The following TIPRL variants were observed in gnomAD, a reference collection of about 807,000 sequenced individuals.
TIPRL encodes TIP41-like protein.
In TIPRL, 10 loss-of-function variants were observed where a neutral mutation model predicts 32.3. That is an observed-to-expected ratio of 0.31 (90% CI 0.19 to 0.52). The LOEUF (loss-of-function observed/expected upper bound fraction) is 0.52. Ranked by LOEUF, TIPRL falls within the 20% of genes least tolerant of loss-of-function variation. TIPRL has a pLI of 0.96. For synonymous variants in TIPRL, 100 were observed against 114.0 expected, an observed-to-expected ratio of 0.88 and a Z score of 0.78; for missense variants, 250 against 328.1, an observed-to-expected ratio of 0.76 and a Z score of 1.84.
Position 168,183,963 on chromosome 1 carries a change from A to G in TIPRL, c.166A>G (p.Arg56Gly), listed in dbSNP as rs1179051863. Residue 56 changes from arginine (R) to glycine (G), a missense_variant, in exon 2 of 7, where the codon AGA becomes GGA. Arg to Gly is a moderately radical substitution (Grantham distance 125). Transcript: ENST00000367833. ...PEMMFGDNVL[R>G]IQHGSGFGIE... ...AATGATGTTTGGAGACAACGTTTTA[A>G]GAATCCAGCATGGGTCTGGCTTTGG... 3.1e-6 allele frequency: 5 copies of G among 1,614,154 alleles called. No homozygotes were observed. The highest frequency in any genetic ancestry group is 4.2e-6 in the Non-Finnish European group (5 of 1,179,988).
intron 1 of TIPRL, among the ~76,000 whole-genome samples, chr1:168,179,778 G>C (rs544705623): frequency 2.4e-4 from 37 of 152,270 alleles, no homozygotes; most frequent in African/African-American, 8.7e-4. Context: ...GCGGTGGATA[G>C]GTACATGCCA....
Position 168,198,923 on chromosome 1 carries a change from A to G in TIPRL, c.617A>G (p.Asp206Gly). 6.2e-7 allele frequency: 1 copy of G among 1,610,986 alleles called. No homozygotes were observed. The highest frequency in any genetic ancestry group is 8.5e-7 in the Non-Finnish European group (1 of 1,178,312). The change falls in exon 6 of 7, where the codon GAC becomes GGC. Residue 206 changes from aspartate (D) to glycine (G), a missense_variant. Physicochemically the swap from Asp to Gly is moderately conservative, Grantham distance 94. Coordinates refer to ENST00000367833, the MANE Select transcript of TIPRL (RefSeq NM_152902.5). ...ACTGTTTATTTTTAAATACAGGCTG[A>G]CAAGACCTACATGTTACGAGAATAT... ...MNDTRLYHEA[D>G]KTYMLREYTS...
At position 168,184,019 on chromosome 1, in the gene TIPRL, A is replaced by T; in HGVS notation, c.222A>T (p.Arg74Ser). 2 of 1,614,152 alleles carry T rather than the reference A, an allele frequency of 1.2e-6. 1 individual carries two copies. The highest frequency in any genetic ancestry group is 3.3e-4 in the Middle Eastern group (2 of 6,060). ...AGTTCAATGCTACAGATGCGTTAAGATGTGTAAACAACTACCAAGGAATGC... is the reference window on the plus strand; with the variant it reads ...AGTTCAATGCTACAGATGCGTTAAGTTGTGTAAACAACTACCAAGGAATGC... ...GIEFNATDAL[R>S]CVNNYQGMLK... is the part of the protein sequence containing the mutation. The change falls in exon 2 of 7, where the codon AGA (arginine) becomes AGT (serine). Residue 74 changes from arginine (R) to serine (S), a missense_variant. Transcript: ENST00000367833.
chr1:168,198,488 T>C (rs76553783), intron 5 of TIPRL, among the ~76,000 whole-genome samples: 1 of 152,128 alleles, frequency 6.6e-6, no homozygotes, highest in African/African-American at 2.4e-5. Context: ...GAATAAAAAT[T>C]TTAAAGCATG....
rs977014748 is a variant in TIPRL at position 168,201,561 on chromosome 1, C to T, written c.*1515C>T. The stretch of plus-strand genomic sequence containing the variant: ...GCTTTAAGAAAACACATGGTATGTT[C>T]ACTGTATATTAAATATACCTGTATT... On this transcript the variant is annotated 3_prime_UTR_variant, in exon 7 of 7. Transcript: ENST00000367833. 6.6e-5 allele frequency: 10 copies of T among 151,904 alleles called. No individual in the cohort carries two copies. Among genetic ancestry groups the T allele is most frequent in the African/African-American group, 2.4e-4 (10 of 41,386 alleles). The allele number at this position is 151,904 out of a possible 1,614,324, so 9.4% of individuals were successfully genotyped here.
Position 168,191,495 on chromosome 1 carries a change from A to G in TIPRL, c.511A>G (p.Lys171Glu). The G allele has an allele frequency of 6.7e-7, 1 of 1,495,428 alleles. No homozygotes were observed. Among genetic ancestry groups the G allele is most frequent in the Non-Finnish European group, 8.8e-7 (1 of 1,130,706 alleles). The allele number at this position is 1,495,428 out of a possible 1,614,324, so 92.6% of individuals were successfully genotyped here. Reference sequence around the variant, plus strand: ...TCATGGAGTTTCAAGCCTGAGTGTGAAGATTGTGAGTATTATTTTTATTTA... The same window carrying G: ...TCATGGAGTTTCAAGCCTGAGTGTGGAGATTGTGAGTATTATTTTTATTTA... ...HDHGVSSLSV[K>E]IRVMPSSFFL... Residue 171 changes from lysine (K) to glutamate (E), a missense_variant, in exon 4 of 7, where the codon AAG becomes GAG. Lys to Glu is a moderately conservative substitution (Grantham distance 56). Coordinates refer to ENST00000367833, the MANE Select transcript of TIPRL (RefSeq NM_152902.5).
intron 3 of TIPRL, among the ~76,000 whole-genome samples, chr1:168,188,051 A>T (rs948314133): frequency 2.0e-5 from 3 of 152,194 alleles, no homozygotes; most frequent in African/African-American, 7.2e-5. Flanking sequence ...AGTATTAGGG[A>T]ACCTAAGTTA....
At chr1:168,182,869 T>C (rs1010006169) in intron 1 of TIPRL, among the ~76,000 whole-genome samples, 1 of 152,326 alleles carries the variant, frequency 6.6e-6, no homozygotes, top group Middle Eastern at 3.4e-3. Flanking sequence ...CCAATTACAG[T>C]TTATTGTATC....
In TIPRL at chr1:168,200,069, C is replaced by T. The variant is rs1322884344; in HGVS notation, c.*23C>T. On this transcript the variant is annotated 3_prime_UTR_variant, in exon 7 of 7. Coordinates refer to ENST00000367833, the MANE Select transcript of TIPRL (RefSeq NM_152902.5). ...TAAAATGTGATACAACATATACTCA[C>T]TATGGAATCTGACTGGACACCTTGG... 2.5e-6 allele frequency: 4 copies of T among 1,605,114 alleles called. No individual in the cohort carries two copies. Among genetic ancestry groups the T allele is most frequent in the Middle Eastern group, 1.7e-4 (1 of 6,058 alleles).
At chr1:168,197,818 C>T (rs780190932) in intron 5 of TIPRL, among the ~76,000 whole-genome samples, 3 of 152,082 alleles carry the variant, frequency 2.0e-5, no homozygotes, top group Non-Finnish European at 2.9e-5. Context: ...TGAGCCACAC[C>T]GCTCCTGGCC....
chr1:168,197,176 A>G (rs972749766), intron 5 of TIPRL, among the ~76,000 whole-genome samples: 17 of 152,142 alleles, frequency 1.1e-4, no homozygotes, highest in Admixed American at 5.2e-4. Flanking sequence ...TTAGCCAGGC[A>G]TGGTGGCACG....
At position 168,196,569 on chromosome 1, in the gene TIPRL, T is replaced by A; in HGVS notation, c.539T>A (p.Phe180Tyr). The A allele has an allele frequency of 6.2e-7, 1 of 1,602,010 alleles. No homozygotes were observed. Among genetic ancestry groups the A allele is most frequent in the Non-Finnish European group, 8.5e-7 (1 of 1,174,250 alleles). The change falls in exon 5 of 7, where the codon TTC (phenylalanine) becomes TAC (tyrosine). Residue 180 changes from phenylalanine (F) to tyrosine (Y), a missense_variant. Coordinates refer to ENST00000367833, the MANE Select transcript of TIPRL (RefSeq NM_152902.5). Reference protein sequence around the residue: ...VKIRVMPSSFFLLLRFFLRID... With the variant: ...VKIRVMPSSFYLLLRFFLRID... ...CAGAGAGTAATGCCTTCTAGCTTTT[T>A]CCTGCTGTTGCGGTTTTTCTTGAGA... is the stretch of plus-strand genomic sequence containing the variant.
intron 4 of TIPRL, among the ~76,000 whole-genome samples, chr1:168,195,720 G>A (rs888344888): frequency 6.6e-6 from 1 of 152,010 alleles, no homozygotes; most frequent in African/African-American, 2.4e-5. Context: ...CTACAGGCTT[G>A]TGCCACCGTG....
chr1:168,198,905 A>G lies in TIPRL; in HGVS notation c.613-14A>G, dbSNP rs765618992. 5.6e-6 allele frequency: 9 copies of G among 1,603,198 alleles called. No homozygotes were observed. The highest frequency in any genetic ancestry group is 1.7e-5 in the Admixed American group (1 of 58,132). ...ATAATTAAATTTATTGCAACTGTTT[A>G]TTTTTAAATACAGGCTGACAAGACC... On this transcript the variant is annotated splice_polypyrimidine_tract_variant and intron_variant, in intron 5 of 6. Coordinates refer to ENST00000367833, the MANE Select transcript of TIPRL (RefSeq NM_152902.5).
chr1:168,194,393 C>T (rs1359643045), intron 4 of TIPRL, among the ~76,000 whole-genome samples: 2 of 152,168 alleles, frequency 1.3e-5, no homozygotes, highest in East Asian at 1.9e-4. Flanking sequence ...GAACTACTGC[C>T]CTAAAATATG....
rs761034541 is a variant in TIPRL, at chr1:168,191,479, T to C, written c.495T>C (p.Val165=). The part of the protein sequence containing the change: ...LFEDELHDHG[V]SSLSVKIRVM... ...AGGATGAACTTCATGATCATGGAGT[T>C]TCAAGCCTGAGTGTGAAGATTGTGA... The change falls in exon 4 of 7, where the codon GTT becomes GTC. Residue 165 remains valine (V), a synonymous_variant. Coordinates refer to ENST00000367833, the MANE Select transcript of TIPRL (RefSeq NM_152902.5). 1.3e-6 allele frequency: 2 copies of C among 1,510,266 alleles called. No individual in the cohort carries two copies. The highest frequency in any genetic ancestry group is 1.8e-6 in the Non-Finnish European group (2 of 1,139,056). 93.6% of individuals were successfully genotyped at this position (1,510,266 alleles called of 1,614,324 possible).
At chr1:168,188,465 A>G (rs752552495) in intron 3 of TIPRL, among the ~76,000 whole-genome samples, 2 of 152,368 alleles carry the variant, frequency 1.3e-5, no homozygotes, top group African/African-American at 4.8e-5. Flanking sequence ...ATGAATGGGC[A>G]TGGCTATGCT....
At position 168,198,251 on chromosome 1, in the gene TIPRL, AT is replaced by A. The variant is rs544911871; in HGVS notation, c.613-661del. On this transcript the variant is annotated intron_variant, in intron 5 of 6. Coordinates refer to ENST00000367833, the MANE Select transcript of TIPRL (RefSeq NM_152902.5). ...ATGATTTATACTTTTATATTATTTG[AT>A]TTTTTTCCTACAGTGACTATTAATC... Among the ~76,000 whole-genome samples the A allele has an allele frequency of 2.2e-3, 332 of 152,144 alleles. 1 individual carries two copies. The highest frequency in any genetic ancestry group is 7.6e-3 in the African/African-American group (317 of 41,532).
At chr1:168,184,944 C>G in intron 3 of TIPRL, 66 bp downstream of exon 3, 1 of 1,000,932 alleles carries the variant, frequency 1.0e-6, no homozygotes, top group South Asian at 1.6e-5. Context: ...TTAGAACTTT[C>G]TAGTAACGGG....
Sources: allele counts gnomAD v4.1 joint callset (sites outside exome capture counted in the v4.1 genomes callset), GRCh38; gene constraint gnomAD v4.1.1; transcripts MANE v1.5; gene names NCBI Gene and HGNC (gene_info 2026-07-23, HGNC 2026-07-21).